Variants in VEPH1 observed in about 807,000 individuals in gnomAD.
The protein encoded by VEPH1 is ventricular zone-expressed PH domain-containing protein homolog 1.
A neutral mutation model predicts 85.2 loss-of-function variants in VEPH1; 80 were observed. The ratio of observed to expected loss-of-function variants is 0.94; its 90% CI spans 0.78 to 1.13. VEPH1 has a LOEUF of 1.13. Ranked by LOEUF, VEPH1 falls within the 50% of genes most tolerant of loss-of-function variation. VEPH1 has a pLI of 0.00. For synonymous variants in VEPH1, 297 were observed against 348.0 expected, an observed-to-expected ratio of 0.85 and a Z score of 1.63; for missense variants, 955 against 980.5, an observed-to-expected ratio of 0.97 and a Z score of 0.35.
intron 9 of VEPH1, among the ~76,000 whole-genome samples, chr3:157,324,658 CATG>C (rs1331836697): frequency 6.6e-6 from 1 of 151,188 alleles, no homozygotes; most frequent in East Asian, 1.9e-4. Flanking sequence ...CTGCAAAAGA[CATG>C]ATCTTGTTTT....
chr3:157,283,689 A>G (rs1716417519), intron 12 of VEPH1, among the ~76,000 whole-genome samples: 1 of 152,230 alleles, frequency 6.6e-6, no homozygotes, highest in Admixed American at 6.5e-5. Context: ...GAAGTATTAT[A>G]TATTTCTTGA....
chr3:157,347,899 G>C (rs1246182929), intron 9 of VEPH1, among the ~76,000 whole-genome samples: 1 of 152,138 alleles, frequency 6.6e-6, no homozygotes, highest in Non-Finnish European at 1.5e-5. Flanking sequence ...CTCTCCATCC[G>C]CTACCCACCC....
intron 11 of VEPH1, among the ~76,000 whole-genome samples, chr3:157,298,111 A>G (rs1318597107): frequency 2.0e-5 from 3 of 152,240 alleles, no homozygotes; most frequent in Non-Finnish European, 4.4e-5. Flanking sequence ...CCAGCCTTGC[A>G]GTTTATGAAA....
intron 3 of VEPH1, 147 bp from the exon 4 acceptor site, chr3:157,460,502 G>T: frequency 9.1e-7 from 1 of 1,098,284 alleles, no homozygotes; most frequent in Non-Finnish European, 1.3e-6. Context: ...ATTGTATTTG[G>T]GAATTCTGGG....
intron 2 of VEPH1, among the ~76,000 whole-genome samples, chr3:157,485,131 T>C (rs537552006): frequency 6.6e-5 from 10 of 152,322 alleles, no homozygotes; most frequent in Non-Finnish European, 1.3e-4. Flanking sequence ...ATAAAACTTA[T>C]ATACCATGAT....
Position 157,470,378 on chromosome 3 carries a change from A to T in VEPH1, c.290T>A (p.Phe97Tyr). 2 of 1,613,998 alleles carry T rather than the reference A, an allele frequency of 1.2e-6. No homozygotes were observed. The highest frequency in any genetic ancestry group is 2.2e-5 in the South Asian group (2 of 91,080). The stretch of plus-strand genomic sequence containing the variant: ...ATGAGGAGTGTCTTCGTCTTTCCCA[A>T]AGGGTCTCAGGTTATGTTCCAAGCA... The part of the protein sequence containing the change: ...DSCLEHNLRP[F>Y]GKDEDTPHAK... The change falls in exon 3 of 14, where the codon TTT (phenylalanine) becomes TAT (tyrosine). Residue 97 changes from phenylalanine to tyrosine, a missense_variant. Transcript: ENST00000362010.
chr3:157,502,397 G>C (rs1740189561), intron 1 of VEPH1, among the ~76,000 whole-genome samples: 1 of 152,108 alleles, frequency 6.6e-6, no homozygotes, highest in South Asian at 2.1e-4. Flanking sequence ...TAAAATCAAG[G>C]CTTTTGTGAC....
At chr3:157,409,612 C>T (rs562338749) in intron 6 of VEPH1, 5 of 985,214 alleles carry the variant, frequency 5.1e-6, no homozygotes, top group East Asian at 1.1e-4. Flanking sequence ...ATATACAACT[C>T]TTCTCTGCCG....
intron 2 of VEPH1, among the ~76,000 whole-genome samples, chr3:157,472,701 G>T (rs1385755545): frequency 1.3e-5 from 2 of 152,074 alleles, no homozygotes; most frequent in African/African-American, 4.8e-5. Flanking sequence ...GCCCCAGTGT[G>T]TGTTGTTCCC....
intron 3 of VEPH1, among the ~76,000 whole-genome samples, chr3:157,466,891 A>G (rs1227296526): frequency 1.3e-5 from 2 of 152,248 alleles, no homozygotes; most frequent in Non-Finnish European, 2.9e-5. Context: ...TGCATGTCCC[A>G]TATATGTACC....
chr3:157,350,133 A>G (rs979770610), intron 9 of VEPH1, among the ~76,000 whole-genome samples: 2 of 152,228 alleles, frequency 1.3e-5, no homozygotes, highest in Non-Finnish European at 2.9e-5. Flanking sequence ...ACAAAGCTGT[A>G]GTAACCAAAA....
chr3:157,262,974 A>T (rs1204014949), intron 13 of VEPH1, among the ~76,000 whole-genome samples: 2 of 152,216 alleles, frequency 1.3e-5, no homozygotes, highest in African/African-American at 4.8e-5. Flanking sequence ...TTAAAGATGG[A>T]CAGTGAATCA....
chr3:157,377,461 T>C (rs1728254124), intron 7 of VEPH1, among the ~76,000 whole-genome samples: 1 of 152,310 alleles, frequency 6.6e-6, no homozygotes, highest in Admixed American at 6.5e-5. Flanking sequence ...TCATTGCTAA[T>C]TGGGTTGGGC....
chr3:157,359,005 A>C (rs62278597), intron 9 of VEPH1, among the ~76,000 whole-genome samples: 34,376 of 152,126 alleles, frequency 0.23, 4,742 homozygotes, highest in Admixed American at 0.42. Context: ...AAAAAAGAAA[A>C]GAAAAAAACA....
chr3:157,339,913 C>A (rs1471851195), intron 9 of VEPH1, among the ~76,000 whole-genome samples: 1 of 152,176 alleles, frequency 6.6e-6, no homozygotes, highest in Non-Finnish European at 1.5e-5. Context: ...TTGCCCACAA[C>A]CAGCTGATTC....
At chr3:157,496,912 A>G (rs1224130702) in intron 1 of VEPH1, among the ~76,000 whole-genome samples, 3 of 152,224 alleles carry the variant, frequency 2.0e-5, no homozygotes, top group African/African-American at 7.2e-5. Context: ...AATGAAGCCT[A>G]ACACTTACAT....
intron 5 of VEPH1, among the ~76,000 whole-genome samples, chr3:157,416,066 A>G (rs1029265831): frequency 6.6e-6 from 1 of 152,116 alleles, no homozygotes; most frequent in African/African-American, 2.4e-5. Context: ...AATCATCCCT[A>G]TCTTGTACAC....
chr3:157,272,436 T>TTTCC (rs1368814686), intron 12 of VEPH1, among the ~76,000 whole-genome samples: 5 of 139,842 alleles, frequency 3.6e-5, no homozygotes, highest in Admixed American at 7.2e-5. Flanking sequence ...TCTTTCTTTC[T>TTTCC]TTCCTTCTCT....
rs529802837 is a variant in VEPH1, at chr3:157,349,700, A to C, written c.1735+13664T>G. On this transcript the variant is annotated intron_variant, in intron 9 of 13. Transcript: ENST00000362010. ...TCAGTAAAGTTGCAGAATACAAAAA[A>C]ATCATTAGTGTTTCTATACACAAAC... 6.6e-5 allele frequency among the ~76,000 whole-genome samples: 10 copies of C among 152,290 alleles called. No homozygotes were observed. In the East Asian group the frequency reaches 1.5e-3, roughly 23 times the overall value.
Sources: allele counts gnomAD v4.1 joint callset (sites outside exome capture counted in the v4.1 genomes callset), GRCh38; gene constraint gnomAD v4.1.1; transcripts MANE v1.5; gene names NCBI Gene and HGNC (gene_info 2026-07-23, HGNC 2026-07-21).